Variants in GCNT3 observed in about 807,000 individuals in gnomAD.
GCNT3 encodes the protein glucosaminyl (N-acetyl) transferase 3, mucin type.
For synonymous variants in GCNT3, 269 were observed against 195.2 expected (o/e 1.38, Z -3.15); for missense variants, 708 against 530.3 (o/e 1.34, Z -3.29).
At chr15:59,614,197 C>T (rs1566904784) in intron 1 of GCNT3, among the ~76,000 whole-genome samples, 1 of 152,108 alleles carries the variant, frequency 6.6e-6, no homozygotes, top group Non-Finnish European at 1.5e-5. Context: ...GTGCTTATCC[C>T]ATAATCATTC....
intron 1 of GCNT3, among the ~76,000 whole-genome samples, chr15:59,613,858 A>G (rs1173255776): frequency 6.6e-6 from 1 of 152,058 alleles, no homozygotes; most frequent in Non-Finnish European, 1.5e-5. Flanking sequence ...AAAAATACAA[A>G]TAATAAAAAT....
At chr15:59,614,582 G>A (rs528714297) in intron 1 of GCNT3, among the ~76,000 whole-genome samples, 3 of 152,272 alleles carry the variant, frequency 2.0e-5, no homozygotes, top group African/African-American at 7.2e-5. Context: ...TGTTGCCATG[G>A]TATTTGTAAA....
At chr15:59,614,424 G>GTCCGCAGTCC (rs2082710521) in intron 1 of GCNT3, among the ~76,000 whole-genome samples, 1 of 152,090 alleles carries the variant, frequency 6.6e-6, no homozygotes, top group African/African-American at 2.4e-5. Context: ...AGAAAGTAAA[G>GTCCGCAGTCC]GAATAAGAGA....
chr15:59,619,548 A>C lies in GCNT3; in HGVS notation c.1310A>C (p.Glu437Ala). The change falls in exon 3 of 3, where the codon GAA (glutamate) becomes GCA (alanine). Residue 437 changes from glutamate (E) to alanine (A), a missense_variant. Glu to Ala is a moderately radical substitution (Grantham distance 107). Coordinates refer to ENST00000396065, the MANE Select transcript of GCNT3 (RefSeq NM_004751.3). Reference protein sequence around the residue: ...YLRYKAIYGTEL With the variant: ...YLRYKAIYGTAL Reference sequence around the variant, plus strand: ...CGTTATAAGGCCATCTATGGGACTGAACTTTGAGACACACTATGAGAGCGT... The same window carrying C: ...CGTTATAAGGCCATCTATGGGACTGCACTTTGAGACACACTATGAGAGCGT... The C allele has an allele frequency of 6.3e-7, 1 of 1,574,920 alleles. No homozygotes were observed. The highest frequency in any genetic ancestry group is 8.7e-7 in the Non-Finnish European group (1 of 1,150,648).
At chr15:59,617,404 ATTT>A (rs2082724856) in intron 2 of GCNT3, among the ~76,000 whole-genome samples, 1 of 152,054 alleles carries the variant, frequency 6.6e-6, no homozygotes, top group Non-Finnish European at 1.5e-5. Flanking sequence ...TTGGCAAGTT[ATTT>A]AGCTTCTGTT....
chr15:59,618,617 G>C lies in GCNT3; in HGVS notation c.379G>C (p.Glu127Gln). The C allele has an allele frequency of 6.2e-7, 1 of 1,614,126 alleles. No individual in the cohort carries two copies. The highest frequency in any genetic ancestry group is 8.5e-7 in the Non-Finnish European group (1 of 1,179,986). ...RKFIQFPLSK[E>Q]EVEFPIAYSM... Reference sequence around the variant, plus strand: ...GTTCATACAGTTCCCACTGAGCAAAGAAGAGGTGGAGTTCCCTATTGCATA... The same window carrying C: ...GTTCATACAGTTCCCACTGAGCAAACAAGAGGTGGAGTTCCCTATTGCATA... The change falls in exon 3 of 3, where the codon GAA (glutamate) becomes CAA (glutamine). Residue 127 changes from glutamate (E) to glutamine (Q), a missense_variant. Coordinates refer to ENST00000396065, the MANE Select transcript of GCNT3 (RefSeq NM_004751.3).
In GCNT3 at chr15:59,620,530, C is replaced by T. The variant is rs981495742; in HGVS notation, c.*975C>T. The T allele has an allele frequency of 6.0e-6, 1 of 167,000 alleles. No individual in the cohort carries two copies. Among genetic ancestry groups the T allele is most frequent in the African/African-American group, 2.4e-5 (1 of 41,424 alleles). The allele number at this position is 167,000 out of a possible 1,614,324, so 10.3% of individuals were successfully genotyped here. A position where few individuals can be genotyped will look rare whatever the true frequency, so the allele number is the denominator to read the frequency against. On this transcript the variant is annotated 3_prime_UTR_variant, in exon 3 of 3. Transcript: ENST00000396065. ...TGGTTCTTCCATTGTTAAAAGCCAT[C>T]CTCATTTTGTTTATATTGCCAGGTT...
At chr15:59,615,316 C>T (rs1383752345) in intron 1 of GCNT3, 4 of 152,304 alleles carry the variant, frequency 2.6e-5, no homozygotes, top group African/African-American at 9.6e-5. Flanking sequence ...CATTTGCCTC[C>T]TGAGAGGTCT....
At position 59,618,628 on chromosome 15, in the gene GCNT3, G is replaced by A. The variant is rs1218081494; in HGVS notation, c.390G>A (p.Glu130=). 1 of 1,614,008 alleles carries A rather than the reference G, an allele frequency of 6.2e-7. No homozygotes were observed. The highest frequency in any genetic ancestry group is 8.5e-7 in the Non-Finnish European group (1 of 1,180,004). The part of the protein sequence containing the change: ...IQFPLSKEEV[E]FPIAYSMVIH... Reference sequence around the variant, plus strand: ...TCCCACTGAGCAAAGAAGAGGTGGAGTTCCCTATTGCATACTCTATGGTGA... The same window carrying A: ...TCCCACTGAGCAAAGAAGAGGTGGAATTCCCTATTGCATACTCTATGGTGA... Residue 130 remains glutamate (E), a synonymous_variant, in exon 3 of 3, where the codon GAG becomes GAA. Coordinates refer to ENST00000396065, the MANE Select transcript of GCNT3 (RefSeq NM_004751.3).
At position 59,618,643 on chromosome 15, in the gene GCNT3, C is replaced by A; in HGVS notation, c.405C>A (p.Tyr135Ter). The A allele has an allele frequency of 2.5e-6, 4 of 1,614,148 alleles. No homozygotes were observed. Among genetic ancestry groups the A allele is most frequent in the Non-Finnish European group, 3.4e-6 (4 of 1,180,008 alleles). ...AAGAGGTGGAGTTCCCTATTGCATA[C>A]TCTATGGTGATTCATGAGAAGATTG... ...SKEEVEFPIA[Y>*]SMVIHEKIEN... Residue 135 changes from tyrosine (Y) to a stop codon, truncating the protein, a stop_gained, in exon 3 of 3, where the codon TAC (tyrosine) becomes TAA (stop). Transcript: ENST00000396065. LOFTEE classifies it low-confidence loss of function (END_TRUNC).
At position 59,618,893 on chromosome 15, in the gene GCNT3, C is replaced by T; in HGVS notation, c.655C>T (p.Pro219Ser). The change falls in exon 3 of 3, where the codon CCG becomes TCG. Residue 219 changes from proline to serine, a missense_variant. Transcript: ENST00000396065. ...GGAAGACTTGCTCCAGAGCTCAGTG[C>T]CGTGGAAATACTTCCTGAATACATG... ...CMEDLLQSSV[P>S]WKYFLNTCGT... The T allele has an allele frequency of 1.2e-6, 2 of 1,614,138 alleles. No homozygotes were observed. The highest frequency in any genetic ancestry group is 8.5e-7 in the Non-Finnish European group (1 of 1,180,032).
intron 1 of GCNT3, among the ~76,000 whole-genome samples, chr15:59,612,973 G>C (rs190116521): frequency 6.6e-6 from 1 of 151,918 alleles, no homozygotes; most frequent in Admixed American, 6.6e-5. Flanking sequence ...CAGAGTTCAG[G>C]AATGCTACTT....
rs766247416 is a variant in GCNT3 at position 59,618,956 on chromosome 15, G to A, written c.718G>A (p.Val240Ile). 4 of 1,614,078 alleles carry A rather than the reference G, an allele frequency of 2.5e-6. No individual in the cohort carries two copies. Among genetic ancestry groups the A allele is most frequent in the East Asian group, 2.2e-5 (1 of 44,882 alleles). The change falls in exon 3 of 3, where the codon GTC (valine) becomes ATC (isoleucine). Residue 240 changes from valine to isoleucine, a missense_variant. By Grantham distance (29) the Val-to-Ile change is conservative. Transcript: ENST00000396065. ...TCCTATAAAGAGCAATGCAGAGATGGTCCAGGCTCTCAAGATGTTGAATGG... is the reference window on the plus strand; with the variant it reads ...TCCTATAAAGAGCAATGCAGAGATGATCCAGGCTCTCAAGATGTTGAATGG... The part of the protein sequence containing the change: ...DFPIKSNAEM[V>I]QALKMLNGRN...
intron 1 of GCNT3, among the ~76,000 whole-genome samples, chr15:59,613,493 G>T (rs531142111): frequency 5.3e-5 from 8 of 151,024 alleles, no homozygotes; most frequent in Non-Finnish European, 1.2e-4. Context: ...TTGAGCTCCT[G>T]AGTTCAAGAC....
At chr15:59,618,088 T>A (rs1337853905) in intron 2 of GCNT3, 91 bp from the exon 3 acceptor site, 1 of 556,374 alleles carries the variant, frequency 1.8e-6, no homozygotes, top group African/African-American at 1.9e-5. Flanking sequence ...TTTGTCCAGG[T>A]AAGAAATATT....
rs562384024 is a variant in GCNT3, at chr15:59,612,207, C to T, written c.-251+226C>T. 3.3e-5 allele frequency among the ~76,000 whole-genome samples: 5 copies of T among 152,256 alleles called. No homozygotes were observed. In the South Asian group the frequency reaches 1.0e-3, roughly 32 times the overall value. The stretch of plus-strand genomic sequence containing the variant: ...TTTCCCATGACTGGAACTCTTAGAC[C>T]TTTCCACAAACATACAAGGATTTAT... On this transcript the variant is annotated intron_variant, in intron 1 of 2. Coordinates refer to ENST00000396065, the MANE Select transcript of GCNT3 (RefSeq NM_004751.3).
chr15:59,612,924 C>G (rs1219629186), intron 1 of GCNT3, among the ~76,000 whole-genome samples: 1 of 151,930 alleles, frequency 6.6e-6, no homozygotes, highest in African/African-American at 2.4e-5. Context: ...TTAGTCCTTT[C>G]CCTCACTACA....
In GCNT3 at chr15:59,618,409, T is replaced by C; in HGVS notation, c.171T>C (p.Tyr57=). The C allele has an allele frequency of 5.0e-6, 8 of 1,614,150 alleles. No individual in the cohort carries two copies. Among genetic ancestry groups the C allele is most frequent in the Non-Finnish European group, 6.8e-6 (8 of 1,179,988 alleles). ...SQSQYCRNIL[Y]NFLKLPAKRS... ...GCCAGTACTGTAGGAATATCTTGTA[T>C]AATTTCCTGAAACTTCCAGCAAAGA... Residue 57 remains tyrosine (Y), a synonymous_variant, in exon 3 of 3, where the codon TAT becomes TAC. Transcript: ENST00000396065.
In GCNT3 at chr15:59,620,929, G is replaced by C. The variant is rs1170757675; in HGVS notation, c.*1374G>C. 7 of 131,042 alleles carry C rather than the reference G, an allele frequency of 5.3e-5. No individual in the cohort carries two copies. The highest frequency in any genetic ancestry group is 1.4e-4 in the African/African-American group (5 of 34,600). 8.1% of individuals were successfully genotyped at this position (131,042 alleles called of 1,614,324 possible). On this transcript the variant is annotated 3_prime_UTR_variant, in exon 3 of 3. Coordinates refer to ENST00000396065, the MANE Select transcript of GCNT3 (RefSeq NM_004751.3). ...GACAGGTTCTCACTCTGTTGCCCAG[G>C]CTGGAGTGCAGTGGCATGATCTTGG...
Sources: allele counts gnomAD v4.1 joint callset (sites outside exome capture counted in the v4.1 genomes callset), GRCh38; gene constraint gnomAD v4.1.1; transcripts MANE v1.5; gene names NCBI Gene and HGNC (gene_info 2026-07-23, HGNC 2026-07-21).